UQCRC2: variants seen among roughly 807,000 people sequenced by gnomAD.
UQCRC2 encodes the protein cytochrome b-c1 complex subunit 2, mitochondrial.
UQCRC2 carries 49 observed loss-of-function variants against 55.6 expected under a neutral mutation model. The ratio of observed to expected loss-of-function variants is 0.88; its 90% confidence interval spans 0.70 to 1.12. UQCRC2 has a LOEUF of 1.12. Ranked by LOEUF, UQCRC2 falls within the 50% of genes most tolerant of loss-of-function variation. UQCRC2 has a pLI of 0.00. For missense variants in UQCRC2, 506 were observed against 547.8 expected, an observed-to-expected ratio of 0.92 and a Z score of 0.76; for synonymous variants, 193 against 192.0, an observed-to-expected ratio of 1.01 and a Z score of -0.04.
Position 21,973,901 on chromosome 16 carries a change from T to G in UQCRC2, c.972T>G (p.Ser324=). The change falls in exon 11 of 14, where the codon TCT becomes TCG. Residue 324 remains serine (S), a synonymous_variant. Transcript: ENST00000268379. ...AAAGTCTCATTATCTTTCAGGTTTC[T>G]GCATTTAATGCCAGTTACTCAGATT... ...AKATQQPFDV[S]AFNASYSDSG... 6.2e-7 allele frequency: 1 copy of G among 1,613,026 alleles called. No individual in the cohort carries two copies. The highest frequency in any genetic ancestry group is 8.5e-7 in the Non-Finnish European group (1 of 1,179,524).
chr16:21,966,195 A>T (rs1015861309), intron 7 of UQCRC2, among the ~76,000 whole-genome samples: 4 of 152,070 alleles, frequency 2.6e-5, no homozygotes, highest in African/African-American at 9.7e-5. Flanking sequence ...CATATATATA[A>T]AATAGGTCCT....
intron 4 of UQCRC2, 188 bp from the exon 5 acceptor site, chr16:21,962,272 A>G: frequency 1.6e-6 from 1 of 617,340 alleles, no homozygotes; most frequent in East Asian, 2.8e-5. Flanking sequence ...TTAAGGTTGA[A>G]TTATTTGCTG....
intron 11 of UQCRC2, among the ~76,000 whole-genome samples, chr16:21,974,858 A>G (rs1433277363): frequency 6.6e-6 from 1 of 152,226 alleles, no homozygotes; most frequent in Non-Finnish European, 1.5e-5. Flanking sequence ...ATTGGAAGAT[A>G]TTGGGAAGAT....
At chr16:21,973,147 A>G (rs1898503832) in intron 10 of UQCRC2, among the ~76,000 whole-genome samples, 1 of 152,178 alleles carries the variant, frequency 6.6e-6, no homozygotes, top group Admixed American at 6.5e-5. Context: ...GTGCCTTCTT[A>G]TGCTTTACGT....
intron 1 of UQCRC2, among the ~76,000 whole-genome samples, chr16:21,955,854 T>G (rs1311701473): frequency 2.6e-5 from 4 of 152,150 alleles, no homozygotes; most frequent in Non-Finnish European, 1.5e-5. Flanking sequence ...AGACGGAGTT[T>G]TGCTCTTGTT....
intron 6 of UQCRC2, 75 bp downstream of exon 6, chr16:21,962,960 A>G: frequency 6.7e-7 from 1 of 1,498,578 alleles, no homozygotes; most frequent in Non-Finnish European, 8.9e-7. Context: ...GAAGAAAAAA[A>G]ATTGCTGTCA....
At chr16:21,978,877 A>C (rs1264593689) in intron 12 of UQCRC2, among the ~76,000 whole-genome samples, 1 of 152,192 alleles carries the variant, frequency 6.6e-6, no homozygotes, top group African/African-American at 2.4e-5. Flanking sequence ...TGGTGAAAAC[A>C]AACAGGCCCT....
At chr16:21,978,474 T>TA (rs1170543594) in intron 12 of UQCRC2, among the ~76,000 whole-genome samples, 5 of 152,194 alleles carry the variant, frequency 3.3e-5, no homozygotes, top group Non-Finnish European at 7.3e-5. Context: ...TTTGTGCCCA[T>TA]ATTTAAGCTG....
chr16:21,961,373 G>A, intron 4 of UQCRC2: 1 of 435,114 alleles, frequency 2.3e-6, no homozygotes, highest in Non-Finnish European at 4.7e-6. Context: ...CCACTATACA[G>A]CCATTACGGA....
rs1442723234 is a variant in UQCRC2 at position 21,957,580 on chromosome 16, C to G, written c.267+14C>G. On this transcript the variant is annotated intron_variant, in intron 3 of 13. Coordinates refer to ENST00000268379, the MANE Select transcript of UQCRC2 (RefSeq NM_003366.4). ...ACATCCAGTCTGGTGAGTATCTTCA[C>G]TTCCTCAAGTGTTTGGAAATGCTGT... 11 of 1,612,432 alleles carry G rather than the reference C, an allele frequency of 6.8e-6. No individual in the cohort carries two copies. The highest frequency in any genetic ancestry group is 1.1e-5 in the South Asian group (1 of 90,624).
At chr16:21,971,892 C>T (rs1203461296) in intron 9 of UQCRC2, 31 bp from the exon 10 acceptor site, 1 of 1,611,534 alleles carries the variant, frequency 6.2e-7, no homozygotes, top group East Asian at 2.2e-5. Flanking sequence ...AAGCCATTTT[C>T]TTCTTCCCTC....
chr16:21,965,366 T>A (rs758347607), intron 6 of UQCRC2, 42 bp from the exon 7 acceptor site: 2 of 1,586,790 alleles, frequency 1.3e-6, no homozygotes, highest in South Asian at 1.1e-5. Context: ...TTGTCTTTAC[T>A]GAAAGTGCAT....
chr16:21,957,501 G>A lies in UQCRC2; in HGVS notation c.202G>A (p.Gly68Ser). ...AAGAATTGGTTTGTTCATTAAAGCA[G>A]GCAGTAGATATGAGGACTTCAGCAA... ...VSRIGLFIKA[G>S]SRYEDFSNLG... Residue 68 changes from glycine (G) to serine (S), a missense_variant, in exon 3 of 14, where the codon GGC becomes AGC. Transcript: ENST00000268379. 2 of 1,614,134 alleles carry A rather than the reference G, an allele frequency of 1.2e-6. No homozygotes were observed. Among genetic ancestry groups the A allele is most frequent in the African/African-American group, 1.3e-5 (1 of 75,022 alleles).
chr16:21,955,343 A>C (rs1898071019), intron 1 of UQCRC2, among the ~76,000 whole-genome samples: 1 of 152,220 alleles, frequency 6.6e-6, no homozygotes, highest in African/African-American at 2.4e-5. Context: ...CAGCCAACCT[A>C]GTACAGCACT....
chr16:21,973,001 G>A (rs2141942581), intron 10 of UQCRC2, among the ~76,000 whole-genome samples: 1 of 152,330 alleles, frequency 6.6e-6, no homozygotes, highest in Non-Finnish European at 1.5e-5. Flanking sequence ...TTGGGAGGCT[G>A]AGGCAGAAGA....
intron 12 of UQCRC2, among the ~76,000 whole-genome samples, chr16:21,979,186 C>T (rs942571976): frequency 6.6e-6 from 1 of 152,144 alleles, no homozygotes; most frequent in Non-Finnish European, 1.5e-5. Context: ...CAAGTACAGG[C>T]CTGACACCCT....
rs369214313 is a variant in UQCRC2 at position 21,971,481 on chromosome 16, T to A, written c.671-44T>A. 77 of 1,454,180 alleles carry A rather than the reference T, an allele frequency of 5.3e-5. 1 individual carries two copies. The East Asian group carries it at 9.4e-4, about 18-fold the overall frequency. The allele number at this position is 1,454,180 out of a possible 1,614,324, so 90.1% of individuals were successfully genotyped here. A position where few individuals can be genotyped will look rare whatever the true frequency, so the allele number is the denominator to read the frequency against. ...GAAAAAATATTTTACGATTGTGTTT[T>A]AGTAATTGTGGTTCTAGCTTTGTTT... On this transcript the variant is annotated intron_variant, in intron 8 of 13. Transcript: ENST00000268379.
intron 12 of UQCRC2, among the ~76,000 whole-genome samples, chr16:21,978,377 C>T (rs970198077): frequency 6.6e-6 from 1 of 152,124 alleles, no homozygotes; most frequent in Non-Finnish European, 1.5e-5. Flanking sequence ...TCAAATAACT[C>T]GACTGTCTTA....
At chr16:21,958,409 T>C in intron 3 of UQCRC2, 126 bp from the exon 4 acceptor site, 1 of 816,600 alleles carries the variant, frequency 1.2e-6, no homozygotes, top group Non-Finnish European at 2.0e-6. Context: ...AATTCTTAAC[T>C]AAAAAGGATG....
Sources: allele counts gnomAD v4.1 joint callset (sites outside exome capture counted in the v4.1 genomes callset), GRCh38; gene constraint gnomAD v4.1.1; transcripts MANE v1.5; gene names NCBI Gene and HGNC (gene_info 2026-07-23, HGNC 2026-07-21).